NOS1AP: variants seen among roughly 807,000 people sequenced by gnomAD.
The protein encoded by NOS1AP is nitric oxide synthase 1 adaptor protein.
Under a neutral mutation model 56.2 loss-of-function variants are expected in NOS1AP, and 21 were observed. The observed-to-expected ratio is 0.37, with a 90% CI of 0.26 to 0.54. The LOEUF is 0.54. NOS1AP is among the 20% of genes least tolerant of loss of function. The pLI, the probability that NOS1AP is intolerant of heterozygous loss-of-function variation, is 0.84. For synonymous variants in NOS1AP, 270 were observed against 274.6 expected (o/e 0.98, Z 0.17); for missense variants, 522 against 657.8 (o/e 0.79, Z 2.26).
At chr1:162,164,788 G>A (rs1196182215) in intron 2 of NOS1AP, among the ~76,000 whole-genome samples, 1 of 152,172 alleles carries the variant, frequency 6.6e-6, no homozygotes, top group East Asian at 1.9e-4. Context: ...TCCTCTTGGA[G>A]CCAAAAGCAG....
rs763077326 is a variant in NOS1AP, at chr1:162,221,536, A to G, written c.178-65808A>G. Among the ~76,000 whole-genome samples the G allele has an allele frequency of 6.9e-3, 168 of 24,410 alleles. 1 individual carries two copies. The highest frequency in any genetic ancestry group is 0.015 in the South Asian group (14 of 926). The allele number at this position is 24,410 out of a possible 152,430, so 16.0% of individuals were successfully genotyped here. A position where few individuals can be genotyped will look rare whatever the true frequency, so the allele number is the denominator to read the frequency against. ...CACACACACGCACACACACGCGCGC[A>G]CACACACACACACACACACACACAC... On this transcript the variant is annotated intron_variant, in intron 2 of 9. Transcript: ENST00000361897.
At chr1:162,183,565 A>C (rs189691438) in intron 2 of NOS1AP, among the ~76,000 whole-genome samples, 5 of 152,354 alleles carry the variant, frequency 3.3e-5, no homozygotes, top group African/African-American at 1.2e-4. Flanking sequence ...TGTTTAGTGT[A>C]GCCACCTTCA....
chr1:162,155,471 A>G (rs1649934221), intron 2 of NOS1AP, among the ~76,000 whole-genome samples: 1 of 150,464 alleles, frequency 6.6e-6, no homozygotes, highest in African/African-American at 2.4e-5. Flanking sequence ...AGAGAGAGAG[A>G]GGTATCGAAT....
intron 1 of NOS1AP, among the ~76,000 whole-genome samples, chr1:162,090,355 T>C (rs141347682): frequency 9.6e-4 from 125 of 130,742 alleles, no homozygotes; most frequent in Non-Finnish European, 1.7e-3. Context: ...AGATGCTGCC[T>C]AAATTATCTT....
intron 8 of NOS1AP, 129 bp downstream of exon 8, chr1:162,357,265 A>T: frequency 1.2e-5 from 17 of 1,416,370 alleles, no homozygotes; most frequent in Non-Finnish European, 1.4e-5. Flanking sequence ...CTATTGGATC[A>T]TTGCTTGTTG....
chr1:162,181,303 C>G (rs116150113), intron 2 of NOS1AP, among the ~76,000 whole-genome samples: 5,354 of 152,116 alleles, frequency 0.035, 136 homozygotes, highest in Non-Finnish European at 0.049. Context: ...ATAATTTCTG[C>G]AAAAATTATG....
chr1:162,335,565 G>C (rs1339846034), intron 5 of NOS1AP, among the ~76,000 whole-genome samples: 1 of 152,174 alleles, frequency 6.6e-6, no homozygotes, highest in Non-Finnish European at 1.5e-5. Flanking sequence ...CTTCAGAAGT[G>C]GTGGGCGGGG....
intron 5 of NOS1AP, among the ~76,000 whole-genome samples, chr1:162,339,541 G>A (rs1386479885): frequency 2.0e-5 from 3 of 152,094 alleles, no homozygotes; most frequent in East Asian, 1.9e-4. Flanking sequence ...GTCTCCAAAG[G>A]CCTGTATGTC....
chr1:162,154,654 C>T (rs562957924), intron 2 of NOS1AP, among the ~76,000 whole-genome samples, 178 bp downstream of exon 2: 2 of 152,270 alleles, frequency 1.3e-5, no homozygotes, highest in African/African-American at 4.8e-5. Context: ...TGATGAAAGG[C>T]CAATGTTAAA....
intron 1 of NOS1AP, among the ~76,000 whole-genome samples, chr1:162,072,540 G>A (rs565024971): frequency 2.6e-5 from 4 of 152,328 alleles, no homozygotes; most frequent in African/African-American, 9.6e-5. Flanking sequence ...ATGAGAAATA[G>A]GGGACCAAGG....
chr1:162,355,142 T>A (rs776450499), intron 6 of NOS1AP, 45 bp from the exon 7 acceptor site: 3 of 1,609,252 alleles, frequency 1.9e-6, no homozygotes, highest in Non-Finnish European at 2.5e-6. Flanking sequence ...GACTTTGTTC[T>A]CGGTGTTTTC....
chr1:162,171,816 G>T (rs1410080755), intron 2 of NOS1AP, among the ~76,000 whole-genome samples: 2 of 151,940 alleles, frequency 1.3e-5, no homozygotes, highest in East Asian at 3.9e-4. Context: ...TCTCCTCATG[G>T]CCATAGAACA....
Position 162,099,791 on chromosome 1 carries a change from C to T in NOS1AP, c.105+29509C>T, listed in dbSNP as rs549759764. Among the ~76,000 whole-genome samples the T allele has an allele frequency of 9.2e-5, 14 of 151,984 alleles. No individual in the cohort carries two copies. The South Asian group carries it at 2.9e-3, about 32-fold the overall frequency. On this transcript the variant is annotated intron_variant, in intron 1 of 9. Coordinates refer to ENST00000361897, the MANE Select transcript of NOS1AP (RefSeq NM_014697.3). ...ATGCTATCCCTCCCCACTCCCCCGA[C>T]CCCACAACAGTCTCCGATGTGTGAT...
rs370415566 is a variant in NOS1AP at position 162,247,232 on chromosome 1, C to T, written c.178-40112C>T. Among the ~76,000 whole-genome samples, 14 of 152,286 alleles carry T rather than the reference C, an allele frequency of 9.2e-5. No homozygotes were observed. In the South Asian group the frequency reaches 2.9e-3, roughly 32 times the overall value. ...TTGGAAAGGCATTTTCTCCCCTTGC[C>T]TCTTTCTCTCGTAATTCCTTCTATC... On this transcript the variant is annotated intron_variant, in intron 2 of 9. Coordinates refer to ENST00000361897, the MANE Select transcript of NOS1AP (RefSeq NM_014697.3).
At chr1:162,227,483 A>T (rs1016013505) in intron 2 of NOS1AP, among the ~76,000 whole-genome samples, 1 of 152,248 alleles carries the variant, frequency 6.6e-6, no homozygotes, top group Non-Finnish European at 1.5e-5. Context: ...ACAGGAGATC[A>T]GAACCATCCT....
chr1:162,083,504 G>A (rs1691937367), intron 1 of NOS1AP, among the ~76,000 whole-genome samples: 1 of 152,148 alleles, frequency 6.6e-6, no homozygotes, highest in African/African-American at 2.4e-5. Flanking sequence ...GCCTCCCAAA[G>A]TGCTAGGATT....
intron 2 of NOS1AP, among the ~76,000 whole-genome samples, chr1:162,227,191 G>C (rs1387427025): frequency 6.6e-6 from 1 of 151,952 alleles, no homozygotes; most frequent in South Asian, 2.1e-4. Flanking sequence ...TCTTTCCCCC[G>C]CTGTGCATTG....
rs201153354 is a variant in NOS1AP, at chr1:162,178,906, G to A, written c.177+24430G>A. Among the ~76,000 whole-genome samples the A allele has an allele frequency of 1.8e-4, 28 of 152,144 alleles. No individual in the cohort carries two copies. The East Asian group carries it at 4.2e-3, about 23-fold the overall frequency. ...ACACCAAAGTAAAAAGACTAGTTTAGTCCGTCTTATACCTATCACTCAGGT... is the reference window on the plus strand; with the variant it reads ...ACACCAAAGTAAAAAGACTAGTTTAATCCGTCTTATACCTATCACTCAGGT... On this transcript the variant is annotated intron_variant, in intron 2 of 9. Transcript: ENST00000361897.
At chr1:162,088,224 G>C (rs889710266) in intron 1 of NOS1AP, among the ~76,000 whole-genome samples, 1 of 152,130 alleles carries the variant, frequency 6.6e-6, no homozygotes, top group Non-Finnish European at 1.5e-5. Context: ...GTTGCTGACT[G>C]TTTGAGGGCT....
Sources: allele counts gnomAD v4.1 joint callset (sites outside exome capture counted in the v4.1 genomes callset), GRCh38; gene constraint gnomAD v4.1.1; transcripts MANE v1.5; gene names NCBI Gene and HGNC (gene_info 2026-07-23, HGNC 2026-07-21).